PKD2: variants seen among roughly 807,000 people sequenced by gnomAD.
The protein encoded by PKD2 is polycystin-2.
A neutral mutation model predicts 105.9 loss-of-function variants in PKD2; 48 were observed. The observed-to-expected ratio is 0.45, with a 90% CI of 0.36 to 0.58. The LOEUF is 0.58. Among genes scored for constraint, PKD2 ranks in the 20% least tolerant of loss-of-function variants. The probability of loss-of-function intolerance (pLI) is 0.00; values close to 1 mark genes in which losing one functional copy is unlikely to be tolerated. For missense variants in PKD2, 1,078 were observed against 1,255.3 expected (o/e 0.86, Z 2.13); for synonymous variants, 464 against 481.1 (o/e 0.96, Z 0.46).
chr4:88,061,813 G>A (rs552666227), intron 9 of PKD2, 93 bp from the exon 10 acceptor site: 10 of 717,930 alleles, frequency 1.4e-5, no homozygotes, highest in Admixed American at 1.2e-4. Context: ...AGGAAAAAAA[G>A]GATAAACAAA....
intron 2 of PKD2, among the ~76,000 whole-genome samples, chr4:88,024,958 C>T (rs760958259): frequency 6.6e-6 from 1 of 151,652 alleles, no homozygotes; most frequent in African/African-American, 2.4e-5. Context: ...GATGGTGAAA[C>T]CCCATCTCTA....
chr4:88,011,918 T>G (rs1726397868), intron 1 of PKD2, among the ~76,000 whole-genome samples: 1 of 144,190 alleles, frequency 6.9e-6, no homozygotes, highest in Non-Finnish European at 1.5e-5. Context: ...GGGGCAGTTT[T>G]GCCCCTCAGG....
chr4:88,038,323 C>A lies in PKD2; in HGVS notation c.916C>A (p.Arg306=), dbSNP rs200001068. Residue 306 remains arginine, a synonymous_variant, in exon 4 of 15, where the codon CGA becomes AGA. Coordinates refer to ENST00000237596, the MANE Select transcript of PKD2 (RefSeq NM_000297.4). ...QPSNQTEADN[R]SFIFYENLLL... is the part of the protein sequence containing the mutation. ...CAGCAACCAGACTGAAGCTGACAACCGAAGTTTCATCTTCTATGAGAACCT... is the reference window on the plus strand; with the variant it reads ...CAGCAACCAGACTGAAGCTGACAACAGAAGTTTCATCTTCTATGAGAACCT... 6.2e-7 allele frequency: 1 copy of A among 1,613,714 alleles called. No individual in the cohort carries two copies. Among genetic ancestry groups the A allele is most frequent in the African/African-American group, 1.3e-5 (1 of 75,012 alleles).
chr4:88,008,263 A>C lies in PKD2; in HGVS notation c.530A>C (p.His177Pro). Residue 177 changes from histidine to proline, a missense_variant, in exon 1 of 15, where the codon CAC becomes CCC. Coordinates refer to ENST00000237596, the MANE Select transcript of PKD2 (RefSeq NM_000297.4). The stretch of plus-strand genomic sequence containing the variant: ...GGCGGCGGGGACCCGCTGCATCGCC[A>C]CCTCCCCCTGGAAGGGCAGCCGCCC... ...PVGGGDPLHR[H>P]LPLEGQPPRV... The C allele has an allele frequency of 6.8e-7, 1 of 1,466,446 alleles. No individual in the cohort carries two copies. Among genetic ancestry groups the C allele is most frequent in the Non-Finnish European group, 9.0e-7 (1 of 1,113,572 alleles). The allele number at this position is 1,466,446 out of a possible 1,614,324, so 90.8% of individuals were successfully genotyped here.
At chr4:88,059,633 G>C (rs1560622661) in intron 9 of PKD2, among the ~76,000 whole-genome samples, 1 of 152,082 alleles carries the variant, frequency 6.6e-6, no homozygotes, top group Non-Finnish European at 1.5e-5. Context: ...AACATGAAAA[G>C]AAGCTCTTAG....
In PKD2 at chr4:88,028,489, G is replaced by A. The variant is rs983313542; in HGVS notation, c.710-7731G>A. ...TTCAACTATGACTGGAGGGCTCCTC[G>A]CCCTTTCTGATAAATTGACTGGACA... is the stretch of plus-strand genomic sequence containing the variant. On this transcript the variant is annotated intron_variant, in intron 2 of 14. Coordinates refer to ENST00000237596, the MANE Select transcript of PKD2 (RefSeq NM_000297.4). 5.5e-4 allele frequency among the ~76,000 whole-genome samples: 84 copies of A among 152,300 alleles called. 1 individual carries two copies. The highest frequency in any genetic ancestry group is 1.8e-3 in the African/African-American group (74 of 41,560).
intron 6 of PKD2, among the ~76,000 whole-genome samples, chr4:88,051,577 C>T (rs1032731948): frequency 2.6e-4 from 39 of 151,962 alleles, no homozygotes; most frequent in Non-Finnish European, 1.2e-4. Context: ...TTAAAAATCA[C>T]AAATAAAAAC....
At chr4:88,040,928 CA>C (rs1350410138) in intron 4 of PKD2, among the ~76,000 whole-genome samples, 1 of 152,142 alleles carries the variant, frequency 6.6e-6, no homozygotes, top group Non-Finnish European at 1.5e-5. Context: ...ATGTGCCAGG[CA>C]TGTTCCCATT....
chr4:88,047,085 G>A (rs975429767), intron 6 of PKD2, among the ~76,000 whole-genome samples: 1 of 152,184 alleles, frequency 6.6e-6, no homozygotes, highest in Non-Finnish European at 1.5e-5. Flanking sequence ...TATGCTCTCA[G>A]CCACGCTAAT....
At chr4:88,070,601 T>TAGAGAGAG (rs1223785807) in intron 13 of PKD2, among the ~76,000 whole-genome samples, 1,339 of 91,366 alleles carry the variant, frequency 0.015, 14 homozygotes, top group Non-Finnish European at 0.018. Flanking sequence ...TATATATATA[T>TAGAGAGAG]AGAGAGAGAG....
At chr4:88,019,345 A>G (rs1162373204) in intron 1 of PKD2, 113 bp from the exon 2 acceptor site, 2 of 642,478 alleles carry the variant, frequency 3.1e-6, no homozygotes, top group East Asian at 5.6e-5. Context: ...AAAAAAAAGG[A>G]GAATCTCCCT....
rs1380444685 is a variant in PKD2 at position 88,043,476 on chromosome 4, C to G, written c.1319+19C>G. 6.7e-7 allele frequency: 1 copy of G among 1,494,740 alleles called. No homozygotes were observed. The highest frequency in any genetic ancestry group is 9.3e-7 in the Non-Finnish European group (1 of 1,071,332). The allele number at this position is 1,494,740 out of a possible 1,614,324, so 92.6% of individuals were successfully genotyped here. On this transcript the variant is annotated intron_variant, in intron 5 of 14. Transcript: ENST00000237596. Reference sequence around the variant, plus strand: ...TGGTCAGGTGTGTACTGAGGACATGCATCCCTCCTATTTCTGTGTGGTTGT... The same window carrying G: ...TGGTCAGGTGTGTACTGAGGACATGGATCCCTCCTATTTCTGTGTGGTTGT...
In PKD2 at chr4:88,046,501, T is replaced by C. The variant is rs542511540; in HGVS notation, c.1320-141T>C. The C allele has an allele frequency of 1.2e-4, 85 of 697,596 alleles. No homozygotes were observed. In the African/African-American group the frequency reaches 1.4e-3, roughly 11 times the overall value. 43.2% of individuals were successfully genotyped at this position (697,596 alleles called of 1,614,324 possible). A position where few individuals can be genotyped will look rare whatever the true frequency, so the allele number is the denominator to read the frequency against. On this transcript the variant is annotated intron_variant, in intron 5 of 14. Transcript: ENST00000237596. ...ATGGAATTATTAGCTATGATAAAAA[T>C]GTTTTGCCGCTAGTTTGGGGGGACT...
chr4:88,021,184 G>A (rs1422145590), intron 2 of PKD2, among the ~76,000 whole-genome samples: 1 of 152,184 alleles, frequency 6.6e-6, no homozygotes, highest in Non-Finnish European at 1.5e-5. Context: ...ACCCCTGTAC[G>A]TAAGTCTAGA....
intron 2 of PKD2, among the ~76,000 whole-genome samples, chr4:88,026,659 G>A (rs565423281): frequency 9.5e-4 from 144 of 152,342 alleles, no homozygotes; most frequent in African/African-American, 3.3e-3. Context: ...CCAAGACAAT[G>A]GGGTAAATGT....
intron 7 of PKD2, among the ~76,000 whole-genome samples, chr4:88,054,547 CAT>C (rs955947859): frequency 1.3e-5 from 2 of 151,914 alleles, no homozygotes; most frequent in African/African-American, 4.8e-5. Context: ...TTTCCTACAA[CAT>C]GTGTCTCAGG....
At chr4:88,021,435 T>C (rs1180321840) in intron 2 of PKD2, among the ~76,000 whole-genome samples, 7 of 152,206 alleles carry the variant, frequency 4.6e-5, no homozygotes, top group Non-Finnish European at 7.3e-5. Flanking sequence ...TATTGTCGCT[T>C]TTTGTTCTTT....
chr4:88,061,504 G>T (rs1017595388), intron 9 of PKD2, among the ~76,000 whole-genome samples: 8 of 152,106 alleles, frequency 5.3e-5, no homozygotes, highest in Non-Finnish European at 1.5e-5. Context: ...TTGGGAAGCC[G>T]AGGCGGGCAG....
chr4:88,038,372 G>A lies in PKD2; in HGVS notation c.965G>A (p.Arg322Gln), dbSNP rs145877597. 3.1e-6 allele frequency: 5 copies of A among 1,613,880 alleles called. No homozygotes were observed. The highest frequency in any genetic ancestry group is 4.2e-6 in the Non-Finnish European group (5 of 1,179,948). Residue 322 changes from arginine (R) to glutamine (Q), a missense_variant, in exon 4 of 15, where the codon CGG (arginine) becomes CAG (glutamine). Physicochemically the swap from Arg to Gln is conservative, Grantham distance 43. Around this residue, in one of 2 missense-constraint regions of PKD2, gnomAD observed 868 missense variants for 1,067.3 expected, o/e 0.81. Coordinates refer to ENST00000237596, the MANE Select transcript of PKD2 (RefSeq NM_000297.4). The stretch of plus-strand genomic sequence containing the variant: ...CTGCTGTTAGGGGTTCCACGAATAC[G>A]GCAACTCCGAGTCAGAAATGGATCC... Reference protein sequence around the residue: ...ENLLLGVPRIRQLRVRNGSCS... With the variant: ...ENLLLGVPRIQQLRVRNGSCS...
Sources: allele counts gnomAD v4.1 joint callset (sites outside exome capture counted in the v4.1 genomes callset), GRCh38; gene constraint gnomAD v4.1.1; regional missense constraint gnomAD v4.1.1; transcripts MANE v1.5; gene names NCBI Gene and HGNC (gene_info 2026-07-23, HGNC 2026-07-21).